XRN2: variants seen among roughly 807,000 people sequenced by gnomAD.
The protein encoded by XRN2 is 5'-3' exoribonuclease 2, also known as DHM1-like protein.
In XRN2, 44 loss-of-function variants were observed where a neutral mutation model predicts 138.5. That is an observed-to-expected ratio of 0.32 (90% CI 0.25 to 0.41). The LOEUF (loss-of-function observed/expected upper bound fraction) is 0.41. Ranked by LOEUF, XRN2 falls within the 10% of genes least tolerant of loss-of-function variation. XRN2 has a pLI of 1.00. For synonymous variants in XRN2, 354 were observed against 369.4 expected (o/e 0.96, Z 0.48); for missense variants, 937 against 1,169.3 (o/e 0.80, Z 2.90).
chr20:21,355,240 A>G (rs1419282269), intron 21 of XRN2, among the ~76,000 whole-genome samples: 1 of 152,142 alleles, frequency 6.6e-6, no homozygotes, highest in Non-Finnish European at 1.5e-5. Flanking sequence ...CTTTCTCCCC[A>G]GTAATAACTA....
At chr20:21,313,748 C>T (rs1488726427) in intron 1 of XRN2, among the ~76,000 whole-genome samples, 1 of 152,200 alleles carries the variant, frequency 6.6e-6, no homozygotes, top group Non-Finnish European at 1.5e-5. Flanking sequence ...TCCAGGTTTC[C>T]TCCACTGCCT....
rs184568292 is a variant in XRN2, at chr20:21,312,363, G to C, written c.75+8890G>C. ...ATGGTCTCTATCTCCTGACTTCCTG[G>C]AATTACAGGTGTGAGCCACCGTGCC... On this transcript the variant is annotated intron_variant, in intron 1 of 29. Coordinates refer to ENST00000377191, the MANE Select transcript of XRN2 (RefSeq NM_012255.5). Among the ~76,000 whole-genome samples, 492 of 152,024 alleles carry C rather than the reference G, an allele frequency of 3.2e-3. 2 individuals are homozygous for C. The highest frequency in any genetic ancestry group is 0.011 in the African/African-American group (474 of 41,492).
At chr20:21,319,593 T>TTCAAA (rs569853391) in intron 1 of XRN2, among the ~76,000 whole-genome samples, 175 of 152,278 alleles carry the variant, frequency 1.1e-3, no homozygotes, top group African/African-American at 4.1e-3. Context: ...TCAAAGTCAT[T>TTCAAA]GTTCTAGAGC....
At position 21,333,902 on chromosome 20, in the gene XRN2, G is replaced by A. The variant is rs79414299; in HGVS notation, c.1068-35G>A. ...GCTTCTTGACTTTACTGTGCCTACT[G>A]GTCCTAATGCATAATGTTTGTCTCT... is the stretch of plus-strand genomic sequence containing the variant. On this transcript the variant is annotated intron_variant, in intron 11 of 29. Coordinates refer to ENST00000377191, the MANE Select transcript of XRN2 (RefSeq NM_012255.5). The A allele has an allele frequency of 2.9e-3, 4,657 of 1,614,046 alleles. 135 individuals carry two copies. The African/African-American group carries it at 0.056, about 19-fold the overall frequency.
chr20:21,381,424 C>G (rs145551094), intron 27 of XRN2, among the ~76,000 whole-genome samples: 18 of 152,292 alleles, frequency 1.2e-4, no homozygotes, highest in African/African-American at 4.3e-4. Flanking sequence ...GTTGCTAGTT[C>G]AGCTTTGCGT....
Position 21,344,150 on chromosome 20 carries a change from G to A in XRN2, c.1471G>A (p.Gly491Arg). The A allele has an allele frequency of 6.2e-7, 1 of 1,613,508 alleles. No homozygotes were observed. Among genetic ancestry groups the A allele is most frequent in the African/African-American group, 1.3e-5 (1 of 75,008 alleles). ...TSDGSPSPLG[G>R]IKRKAEDSDS... The stretch of plus-strand genomic sequence containing the variant: ...TGATGGCTCCCCGTCTCCATTAGGA[G>A]GAATTAAGCGAAAAGCAGAAGACAG... Residue 491 changes from glycine to arginine, a missense_variant, in exon 16 of 30, where the codon GGA becomes AGA. Physicochemically the swap from Gly to Arg is moderately radical, Grantham distance 125. This residue lies in a region of XRN2 where 471 missense variants were observed against 581.2 expected (regional missense o/e 0.81). Coordinates refer to ENST00000377191, the MANE Select transcript of XRN2 (RefSeq NM_012255.5).
rs1464853683 is a variant in XRN2 at position 21,386,804 on chromosome 20, G to T, written c.2649-64G>T. ...CTAAAATTTGGAGATGATACCTGCCGATTTTAGGCTTTGTGCTGTATAATA... is the reference window on the plus strand; with the variant it reads ...CTAAAATTTGGAGATGATACCTGCCTATTTTAGGCTTTGTGCTGTATAATA... On this transcript the variant is annotated intron_variant, in intron 28 of 29. Coordinates refer to ENST00000377191, the MANE Select transcript of XRN2 (RefSeq NM_012255.5). 1.4e-5 allele frequency: 22 copies of T among 1,543,948 alleles called. No homozygotes were observed. The highest frequency in any genetic ancestry group is 1.9e-5 in the Non-Finnish European group (22 of 1,135,614).
Position 21,362,565 on chromosome 20 carries a change from G to T in XRN2, c.2256-2856G>T, listed in dbSNP as rs1178870162. On this transcript the variant is annotated intron_variant, in intron 24 of 29. Transcript: ENST00000377191. ...TTTATGGGTGTCCCTCTGCTCTCTC[G>T]CACACTGCTGCTGGGTTGTTCTTTC... 1.3e-5 allele frequency among the ~76,000 whole-genome samples: 2 copies of T among 152,066 alleles called. 1 individual carries two copies. The highest frequency in any genetic ancestry group is 4.1e-4 in the South Asian group (2 of 4,822).
At chr20:21,339,514 A>G (rs1476883620) in intron 14 of XRN2, among the ~76,000 whole-genome samples, 7 of 152,182 alleles carry the variant, frequency 4.6e-5, no homozygotes, top group African/African-American at 9.6e-5. Context: ...TCAGAATCCA[A>G]TTCTGTCTTA....
chr20:21,332,083 G>T, intron 8 of XRN2, among the ~76,000 whole-genome samples, 200 bp from the exon 9 acceptor site: 1 of 152,080 alleles, frequency 6.6e-6, no homozygotes. Flanking sequence ...ATCCTTAGTG[G>T]CAGTCTATGT....
At chr20:21,373,184 A>G (rs1026257236) in intron 27 of XRN2, among the ~76,000 whole-genome samples, 11 of 151,850 alleles carry the variant, frequency 7.2e-5, no homozygotes, top group Non-Finnish European at 1.3e-4. Flanking sequence ...TAATTTTTGT[A>G]TTTTTAGTAG....
chr20:21,353,124 ATAATATTTAATATATAATATT>A (rs1017857131), intron 20 of XRN2, among the ~76,000 whole-genome samples: 23 of 147,052 alleles, frequency 1.6e-4, no homozygotes, highest in African/African-American at 5.0e-4. Flanking sequence ...TTATATATGT[ATAATATTTAATATATAATATT>A]TAATATTTAA....
Position 21,328,628 on chromosome 20 carries a change from G to C in XRN2, c.385G>C (p.Ala129Pro). 1 of 1,614,096 alleles carries C rather than the reference G, an allele frequency of 6.2e-7. No homozygotes were observed. Among genetic ancestry groups the C allele is most frequent in the Non-Finnish European group, 8.5e-7 (1 of 1,179,988 alleles). ...GGCATCAAAAGAAGGAATGGAAGCA[G>C]CAGTCGAGAAGCAGCGAGTCAGGGA... ...FRASKEGMEAAVEKQRVREEI... is the reference protein window; with the variant it reads ...FRASKEGMEAPVEKQRVREEI... The change falls in exon 4 of 30, where the codon GCA (alanine) becomes CCA (proline). Residue 129 changes from alanine to proline, a missense_variant. By Grantham distance (27) the Ala-to-Pro change is conservative. Around this residue, in one of 6 missense-constraint regions of XRN2, gnomAD observed 471 missense variants for 581.2 expected, o/e 0.81. Coordinates refer to ENST00000377191, the MANE Select transcript of XRN2 (RefSeq NM_012255.5).
intron 24 of XRN2, among the ~76,000 whole-genome samples, chr20:21,361,899 A>T (rs2038640854): frequency 6.6e-6 from 1 of 152,246 alleles, no homozygotes; most frequent in Non-Finnish European, 1.5e-5. Flanking sequence ...AGATACTAAG[A>T]ATCTTTCAAC....
chr20:21,315,384 G>A (rs1450261959), intron 1 of XRN2, among the ~76,000 whole-genome samples: 1 of 152,160 alleles, frequency 6.6e-6, no homozygotes, highest in Admixed American at 6.5e-5. Flanking sequence ...TATCTCCTGT[G>A]GTTTTGATTT....
rs142229271 is a variant in XRN2 at position 21,328,974 on chromosome 20, A to G, written c.427+304A>G. Among the ~76,000 whole-genome samples the G allele has an allele frequency of 1.3e-4, 20 of 152,322 alleles. 2 individuals carry two copies. Among genetic ancestry groups the G allele is most frequent in the African/African-American group, 4.6e-4 (19 of 41,576 alleles). ...TAACAAACTTTTATGTCTCTGTAGA[A>G]TAGAAATATAGTAAGTATTTTTTAC... On this transcript the variant is annotated intron_variant, in intron 4 of 29. Coordinates refer to ENST00000377191, the MANE Select transcript of XRN2 (RefSeq NM_012255.5).
intron 1 of XRN2, among the ~76,000 whole-genome samples, chr20:21,315,990 C>T (rs893262858): frequency 1.1e-4 from 17 of 152,298 alleles, no homozygotes; most frequent in Admixed American, 2.0e-4. Context: ...TGGTGACTCA[C>T]GCTTGTAATC....
intron 26 of XRN2, among the ~76,000 whole-genome samples, chr20:21,366,912 A>G (rs2038711208): frequency 6.6e-6 from 1 of 152,188 alleles, no homozygotes; most frequent in African/African-American, 2.4e-5. Flanking sequence ...AAGACGTTTT[A>G]CTGTTTTTCT....
chr20:21,386,827 A>G (rs1403704738), intron 28 of XRN2, 41 bp from the exon 29 acceptor site: 11 of 1,593,604 alleles, frequency 6.9e-6, no homozygotes, highest in Non-Finnish European at 9.5e-6. Flanking sequence ...GTGCTGTATA[A>G]TAGGTGTGGC....
Sources: gnomAD v4.1 joint callset for allele counts (sites outside exome capture counted in the v4.1 genomes callset) on GRCh38, gnomAD v4.1.1 for gene constraint, gnomAD v4.1.1 regional missense constraint, MANE v1.5 for transcripts, NCBI Gene and HGNC (gene_info 2026-07-23, HGNC 2026-07-21) for gene names.